Variants in ARAP2 observed in about 807,000 individuals in gnomAD.
The protein encoded by ARAP2 is arf-GAP with Rho-GAP domain, ANK repeat and PH domain-containing protein 2.
A neutral mutation model predicts 194.5 loss-of-function variants in ARAP2; 148 were observed. The ratio of observed to expected loss-of-function variants is 0.76; its 90% CI spans 0.67 to 0.87. The LOEUF (loss-of-function observed/expected upper bound fraction) is 0.87, where lower values mean the gene tolerates loss of function less well. Among genes scored for constraint, ARAP2 ranks in the 40% least tolerant of loss-of-function variants. ARAP2 has a pLI of 0.00. For missense variants in ARAP2, 2,128 were observed against 1,989.7 expected (o/e 1.07, Z -1.32); for synonymous variants, 695 against 683.5 (o/e 1.02, Z -0.26).
intron 25 of ARAP2, among the ~76,000 whole-genome samples, chr4:36,116,567 G>T (rs1020132742): frequency 1.3e-5 from 2 of 151,856 alleles, no homozygotes; most frequent in Non-Finnish European, 2.9e-5. Flanking sequence ...GGATGCTAAA[G>T]TATAGAAAAC....
At chr4:36,111,515 G>A (rs547158182) in intron 26 of ARAP2, among the ~76,000 whole-genome samples, 1 of 152,006 alleles carries the variant, frequency 6.6e-6, no homozygotes, top group East Asian at 1.9e-4. Flanking sequence ...CTTTCTAGGT[G>A]TACATGACAC....
chr4:36,147,783 G>T, intron 17 of ARAP2, 37 bp from the exon 18 acceptor site: 2 of 1,500,742 alleles, frequency 1.3e-6, no homozygotes, highest in Non-Finnish European at 1.8e-6. Flanking sequence ...TAAAGACAGT[G>T]AAAATAGGAA....
At chr4:36,208,661 T>G (rs1746087519) in intron 6 of ARAP2, among the ~76,000 whole-genome samples, 1 of 152,162 alleles carries the variant, frequency 6.6e-6, no homozygotes, top group South Asian at 2.1e-4. Context: ...AAAGGAAAAA[T>G]TCTCGATTCT....
At chr4:36,194,910 G>T (rs544014282) in intron 6 of ARAP2, among the ~76,000 whole-genome samples, 2 of 151,912 alleles carry the variant, frequency 1.3e-5, no homozygotes, top group African/African-American at 4.8e-5. Context: ...TTGGCCAGGC[G>T]TGGTGGCTCA....
At chr4:36,070,451 T>C (rs1726576556) in intron 32 of ARAP2, among the ~76,000 whole-genome samples, 1 of 152,232 alleles carries the variant, frequency 6.6e-6, no homozygotes, top group Admixed American at 6.5e-5. Context: ...TGCCAGTTCA[T>C]GTCACAGGGT....
intron 29 of ARAP2, among the ~76,000 whole-genome samples, 153 bp downstream of exon 29, chr4:36,083,215 A>G (rs981012808): frequency 6.6e-6 from 1 of 152,126 alleles, no homozygotes; most frequent in Non-Finnish European, 1.5e-5. Flanking sequence ...TTGATCTGCC[A>G]TAAGAACCCT....
At chr4:36,108,903 A>G (rs910757461) in intron 26 of ARAP2, among the ~76,000 whole-genome samples, 7 of 152,018 alleles carry the variant, frequency 4.6e-5, no homozygotes, top group African/African-American at 7.2e-5. Context: ...GTAGCCATGT[A>G]AAAGTCAATT....
chr4:36,039,203 C>T (rs1257183415), intron 5 of ARAP2, among the ~76,000 whole-genome samples: 1 of 152,212 alleles, frequency 6.6e-6, no homozygotes, highest in Non-Finnish European at 1.5e-5. Flanking sequence ...AAGCATCCTG[C>T]ACCTGCCATC....
intron 24 of ARAP2, 49 bp downstream of exon 24, chr4:36,119,601 A>C (rs1722204519): frequency 7.6e-7 from 1 of 1,323,614 alleles, no homozygotes; most frequent in African/African-American, 1.5e-5. Context: ...CTTACAATGG[A>C]AGTTTTTGTT....
In ARAP2 at chr4:36,133,391, T is replaced by C. The variant is rs779726431; in HGVS notation, c.3264-2A>G. 1.2e-6 allele frequency: 2 copies of C among 1,602,220 alleles called. No individual in the cohort carries two copies. The highest frequency in any genetic ancestry group is 1.7e-5 in the Admixed American group (1 of 57,636). On this transcript the variant is annotated splice_acceptor_variant, in intron 19 of 32. Coordinates refer to ENST00000303965, the MANE Select transcript of ARAP2 (RefSeq NM_015230.4). LOFTEE classifies it high-confidence loss of function. The stretch of plus-strand genomic sequence containing the variant: ...GTATGCCCATGGATGTATAATGTTC[T>C]GTAAAGTTTAAAAAGCATTTCAAAT...
chr4:36,135,670 T>C (rs1237919211), intron 19 of ARAP2, among the ~76,000 whole-genome samples: 1 of 151,814 alleles, frequency 6.6e-6, no homozygotes, highest in Non-Finnish European at 1.5e-5. Context: ...ACTGAAATCA[T>C]ATAACTCAGA....
At chr4:36,051,395 T>G (rs1722644987) in intron 3 of ARAP2, among the ~76,000 whole-genome samples, 2 of 152,120 alleles carry the variant, frequency 1.3e-5, no homozygotes, top group Admixed American at 1.3e-4. Flanking sequence ...GAGAATCGCT[T>G]GAACCCGGGA....
intron 8 of ARAP2, among the ~76,000 whole-genome samples, chr4:36,180,845 G>A (rs1246667154): frequency 6.6e-6 from 1 of 152,188 alleles, no homozygotes; most frequent in Admixed American, 6.5e-5. Context: ...CAGTCACGAA[G>A]AAGAACAGGA....
intron 32 of ARAP2, among the ~76,000 whole-genome samples, chr4:36,069,636 C>T (rs1046016413): frequency 2.0e-5 from 3 of 152,246 alleles, no homozygotes; most frequent in East Asian, 1.9e-4. Flanking sequence ...CAGTTCTCAT[C>T]GTCTTTCAAC....
chr4:36,090,276 C>T (rs1248541709), intron 28 of ARAP2, among the ~76,000 whole-genome samples: 1 of 152,072 alleles, frequency 6.6e-6, no homozygotes, highest in Non-Finnish European at 1.5e-5. Context: ...AGCCTACCAA[C>T]CACAAAAATC....
intron 25 of ARAP2, 128 bp from the exon 26 acceptor site, chr4:36,114,415 G>A: frequency 1.6e-6 from 1 of 627,486 alleles, no homozygotes; most frequent in Non-Finnish European, 2.8e-6. Context: ...GTTAAAACCA[G>A]CTTCCCTAAT....
Position 36,067,005 on chromosome 4 carries a change from GT to G in ARAP2, c.*901del. The G allele has an allele frequency of 6.6e-6, 1 of 152,180 alleles. No individual in the cohort carries two copies. Among genetic ancestry groups the G allele is most frequent in the Non-Finnish European group, 1.5e-5 (1 of 67,994 alleles). The allele number at this position is 152,180 out of a possible 1,614,324, so 9.4% of individuals were successfully genotyped here. ...GACCCTGTGGTGATGAATTTTGTTC[GT>G]ACCAAAAGTATAGTCAGAAATTCTG... On this transcript the variant is annotated 3_prime_UTR_variant, in exon 33 of 33. Coordinates refer to ENST00000303965, the MANE Select transcript of ARAP2 (RefSeq NM_015230.4).
At chr4:36,205,200 G>A (rs1327995609) in intron 6 of ARAP2, among the ~76,000 whole-genome samples, 1 of 151,770 alleles carries the variant, frequency 6.6e-6, no homozygotes. Flanking sequence ...AAGGATAATA[G>A]GAATTGTGTC....
chr4:36,060,202 T>C (rs970960403), intron 1 of ARAP2, among the ~76,000 whole-genome samples: 2 of 152,164 alleles, frequency 1.3e-5, no homozygotes, highest in African/African-American at 4.8e-5. Context: ...GTCGTTTAAC[T>C]GAGAAGCTCT....
Sources: gnomAD v4.1 joint callset for allele counts (sites outside exome capture counted in the v4.1 genomes callset) on GRCh38, gnomAD v4.1.1 for gene constraint, MANE v1.5 for transcripts, NCBI Gene and HGNC (gene_info 2026-07-23, HGNC 2026-07-21) for gene names.